The following STARD13 variants were observed in gnomAD, a reference collection of about 807,000 sequenced individuals.
STARD13 encodes stAR-related lipid transfer protein 13.
A neutral mutation model predicts 106.4 loss-of-function variants in STARD13; 62 were observed. The ratio of observed to expected loss-of-function variants is 0.58; its 90% CI spans 0.48 to 0.72. STARD13 has a LOEUF of 0.72. STARD13 is among the 30% of genes least tolerant of loss of function. STARD13 has a pLI of 0.00. For missense variants in STARD13, 1,387 were observed against 1,424.0 expected (o/e 0.97, Z 0.42); for synonymous variants, 565 against 553.0 (o/e 1.02, Z -0.31).
At chr13:33,530,477 T>A in the STARD13 span, among the ~76,000 whole-genome samples, 1 of 152,184 alleles carries the variant, frequency 6.6e-6, no homozygotes, top group Middle Eastern at 3.2e-3. Flanking sequence ...TTTTTTTATG[T>A]CTTTTGTGTT....
chr13:33,386,366 C>T, the STARD13 span, among the ~76,000 whole-genome samples: 1 of 152,122 alleles, frequency 6.6e-6, no homozygotes, highest in East Asian at 1.9e-4. Flanking sequence ...CTCAGGGGCT[C>T]CAGGAAGAGA....
rs540187898 is a variant in STARD13 at position 33,245,128 on chromosome 13, T to C, written c.169+40342A>G. On this transcript the variant is annotated intron_variant, in intron 1 of 13. Transcript: ENST00000336934. Reference sequence around the variant, plus strand: ...AAACTATTAAAACCGCAGAGCTGAGTTTCACTGTGAGTTAAATACGTCATT... The same window carrying C: ...AAACTATTAAAACCGCAGAGCTGAGCTTCACTGTGAGTTAAATACGTCATT... Among the ~76,000 whole-genome samples, 12 of 152,260 alleles carry C rather than the reference T, an allele frequency of 7.9e-5. No individual in the cohort carries two copies. In the South Asian group the frequency reaches 2.5e-3, roughly 32 times the overall value.
At chr13:33,360,093 C>T in the STARD13 span, among the ~76,000 whole-genome samples, 1 of 152,212 alleles carries the variant, frequency 6.6e-6, no homozygotes, top group South Asian at 2.1e-4. Flanking sequence ...TTATCAGTAA[C>T]AGAACTCTTA....
chr13:33,349,154 C>T (rs751922933), exon 2 of STARD13: 16 of 702,258 alleles, frequency 2.3e-5, no homozygotes, highest in Non-Finnish European at 3.4e-5. Flanking sequence ...AGGCATCAGA[C>T]CTTCTTCTCT....
At chr13:33,247,475 C>T (rs991128272) in intron 1 of STARD13, among the ~76,000 whole-genome samples, 1 of 98,546 alleles carries the variant, frequency 1.0e-5, no homozygotes. Context: ...TCCATATGAC[C>T]AGTGCCCTCT....
chr13:33,104,840 GC>G lies in STARD13; in HGVS notation c.*752del, dbSNP rs1282013589. Reference sequence around the variant, plus strand: ...TCTCACTGAAATTCCATCTTACTGGGCCCAGTGGCAACTCCTCATCTAGCTT... The same window carrying G: ...TCTCACTGAAATTCCATCTTACTGGGCCAGTGGCAACTCCTCATCTAGCTT... On this transcript the variant is annotated 3_prime_UTR_variant, in exon 14 of 14. Transcript: ENST00000336934. 1 of 153,514 alleles carries G rather than the reference GC, an allele frequency of 6.5e-6. No homozygotes were observed. Among genetic ancestry groups the G allele is most frequent in the East Asian group, 1.9e-4 (1 of 5,196 alleles). 9.5% of individuals were successfully genotyped at this position (153,514 alleles called of 1,614,324 possible).
At chr13:33,170,800 G>A (rs973643213) in intron 1 of STARD13, among the ~76,000 whole-genome samples, 1 of 152,022 alleles carries the variant, frequency 6.6e-6, no homozygotes, top group Non-Finnish European at 1.5e-5. Context: ...CTCAATTTAA[G>A]GACAAAGCCA....
intron 7 of STARD13, among the ~76,000 whole-genome samples, chr13:33,124,383 G>T (rs910539934): frequency 6.6e-6 from 1 of 152,198 alleles, no homozygotes; most frequent in Non-Finnish European, 1.5e-5. Flanking sequence ...CGCGAGATGC[G>T]TGGCTCTATT....
chr13:33,475,599 TA>T, the STARD13 span, among the ~76,000 whole-genome samples: 3 of 152,198 alleles, frequency 2.0e-5, no homozygotes, highest in Non-Finnish European at 4.4e-5. Context: ...TCCCTCAAAA[TA>T]AAAGACTTAT....
the STARD13 span, among the ~76,000 whole-genome samples, chr13:33,661,503 C>T: frequency 2.6e-5 from 4 of 152,106 alleles, no homozygotes; most frequent in African/African-American, 7.2e-5. Context: ...AAGAGCTGCC[C>T]GAAACTGGGT....
chr13:33,338,707 A>T (rs1246443643), intron 1 of STARD13, among the ~76,000 whole-genome samples: 1 of 151,914 alleles, frequency 6.6e-6, no homozygotes, highest in Non-Finnish European at 1.5e-5. Flanking sequence ...ACATGGTGAA[A>T]CCCTGTCTCT....
chr13:33,343,604 TACAAATC>T (rs2077987828), downstream of STARD13, among the ~76,000 whole-genome samples: 38 of 76,568 alleles, frequency 5.0e-4, no homozygotes, highest in African/African-American at 1.9e-3. Flanking sequence ...AAAACAAATC[TACAAATC>T]TAGTAGTCCC....
chr13:33,106,584 G>C (rs1566525411), intron 13 of STARD13, among the ~76,000 whole-genome samples, 174 bp downstream of exon 13: 2 of 152,124 alleles, frequency 1.3e-5, no homozygotes, highest in Non-Finnish European at 2.9e-5. Flanking sequence ...CAGAATTTCA[G>C]GAAAGGGGGA....
chr13:33,511,751 A>G, the STARD13 span, among the ~76,000 whole-genome samples: 1 of 152,164 alleles, frequency 6.6e-6, no homozygotes, highest in Non-Finnish European at 1.5e-5. Flanking sequence ...AGCAAAATGG[A>G]TATCAAAAAG....
At chr13:33,313,231 T>C (rs1374485459) in intron 1 of STARD13, among the ~76,000 whole-genome samples, 1 of 151,852 alleles carries the variant, frequency 6.6e-6, no homozygotes, top group East Asian at 1.9e-4. Context: ...GTAAACAGGA[T>C]ATTTGGAATG....
At chr13:33,499,030 C>T in the STARD13 span, among the ~76,000 whole-genome samples, 7 of 152,178 alleles carry the variant, frequency 4.6e-5, no homozygotes, top group East Asian at 3.9e-4. Context: ...CCCAGCTACT[C>T]GGGTGGCTGA....
At chr13:33,457,742 T>C in the STARD13 span, among the ~76,000 whole-genome samples, 1 of 152,204 alleles carries the variant, frequency 6.6e-6, no homozygotes, top group African/African-American at 2.4e-5. Context: ...CAGGGATCTT[T>C]TTGGGGCCTC....
At chr13:33,350,476 T>C in exon 1 of STARD13, 1 of 1,487,778 alleles carries the variant, frequency 6.7e-7, no homozygotes, top group Non-Finnish European at 8.9e-7. Flanking sequence ...GGCCCGCGAC[T>C]CAGACTCCCG....
chr13:33,648,381 G>A, the STARD13 span, among the ~76,000 whole-genome samples: 4 of 152,174 alleles, frequency 2.6e-5, no homozygotes, highest in South Asian at 2.1e-4. Flanking sequence ...CTAGTACAGC[G>A]GTTTCAGCCG....
Sources: gnomAD v4.1 joint callset for allele counts (sites outside exome capture counted in the v4.1 genomes callset) on GRCh38, gnomAD v4.1.1 for gene constraint, MANE v1.5 for transcripts, NCBI Gene and HGNC (gene_info 2026-07-23, HGNC 2026-07-21) for gene names.